ASIC2: variants seen among roughly 807,000 people sequenced by gnomAD.
The protein encoded by ASIC2 is acid-sensing ion channel 2.
In ASIC2, 25 loss-of-function variants were observed where a neutral mutation model predicts 57.3. That is an observed-to-expected ratio of 0.44 (90% confidence interval 0.32 to 0.61). The LOEUF (loss-of-function observed/expected upper bound fraction) is 0.61, where lower values mean the gene tolerates loss of function less well. Ranked by LOEUF, ASIC2 falls within the 20% of genes least tolerant of loss-of-function variation. The probability of loss-of-function intolerance (pLI) is 0.06; values close to 1 mark genes in which losing one functional copy is unlikely to be tolerated. For synonymous variants in ASIC2, 319 were observed against 307.5 expected (o/e 1.04, Z -0.39); for missense variants, 641 against 738.1 (o/e 0.87, Z 1.52).
At chr17:33,866,813 G>C (rs1243365306) in intron 1 of ASIC2, among the ~76,000 whole-genome samples, 1 of 152,136 alleles carries the variant, frequency 6.6e-6, no homozygotes, top group East Asian at 1.9e-4. Flanking sequence ...ATCTCCTCCA[G>C]GGCCTAAGAA....
chr17:33,749,308 C>A (rs1333838009), intron 1 of ASIC2, among the ~76,000 whole-genome samples: 1 of 151,904 alleles, frequency 6.6e-6, no homozygotes, highest in Non-Finnish European at 1.5e-5. Context: ...CCCAAGACCC[C>A]ATCTTTGCTT....
chr17:33,944,678 C>T (rs1405453286), intron 1 of ASIC2, among the ~76,000 whole-genome samples: 1 of 152,184 alleles, frequency 6.6e-6, no homozygotes, highest in Admixed American at 6.5e-5. Context: ...CCTGCCTGCT[C>T]CTCAGGGTTG....
At chr17:33,713,116 T>C (rs1268883207) in intron 1 of ASIC2, among the ~76,000 whole-genome samples, 1 of 152,202 alleles carries the variant, frequency 6.6e-6, no homozygotes, top group Non-Finnish European at 1.5e-5. Flanking sequence ...ACTGTCATGC[T>C]TGCGCTATTT....
intron 1 of ASIC2, among the ~76,000 whole-genome samples, chr17:33,658,501 A>C (rs539313048): frequency 5.9e-5 from 9 of 152,290 alleles, no homozygotes; most frequent in African/African-American, 2.2e-4. Flanking sequence ...GTAGTTTGTA[A>C]ACAACAGAAA....
intron 1 of ASIC2, among the ~76,000 whole-genome samples, chr17:33,300,896 T>C (rs1045598811): frequency 3.9e-5 from 6 of 152,182 alleles, no homozygotes; most frequent in African/African-American, 1.2e-4. Context: ...CACTGAGAAG[T>C]TGACATAATG....
rs571603072 is a variant in ASIC2, at chr17:33,685,191, C to T, written c.555+470787G>A. On this transcript the variant is annotated intron_variant, in intron 1 of 9. Transcript: ENST00000359872. ...AGATTTCCCCCCTCCCCAACCCTCT[C>T]TAAGGCAGCAGGTGCGTTTGTTGCT... is the stretch of plus-strand genomic sequence containing the variant. Among the ~76,000 whole-genome samples, 3 of 152,330 alleles carry T rather than the reference C, an allele frequency of 2.0e-5. No individual in the cohort carries two copies. In the South Asian group the frequency reaches 6.2e-4, roughly 32 times the overall value.
chr17:34,005,679 CTACT>C (rs1906501854), intron 1 of ASIC2: 1 of 152,240 alleles, frequency 6.6e-6, no homozygotes, highest in African/African-American at 2.4e-5. Context: ...AAATAAATCT[CTACT>C]TAGTCTTCAA....
chr17:33,698,793 A>T (rs971531877), intron 1 of ASIC2, among the ~76,000 whole-genome samples: 4 of 152,108 alleles, frequency 2.6e-5, no homozygotes, highest in African/African-American at 9.7e-5. Context: ...AATGGGGTCT[A>T]TGGCTTGGGA....
intron 1 of ASIC2, among the ~76,000 whole-genome samples, chr17:33,406,895 T>G (rs558752613): frequency 2.0e-4 from 30 of 152,304 alleles, no homozygotes; most frequent in Admixed American, 1.1e-3. Flanking sequence ...AAAGTTATAA[T>G]AGACTAATGT....
chr17:34,149,707 G>A (rs1239659631), intron 1 of ASIC2, among the ~76,000 whole-genome samples: 1 of 152,190 alleles, frequency 6.6e-6, no homozygotes, highest in Non-Finnish European at 1.5e-5. Flanking sequence ...ACACTTGTTA[G>A]AATAGTTGTT....
Position 33,387,335 on chromosome 17 carries a change from C to T in ASIC2, c.556-275268G>A, listed in dbSNP as rs548745824. 1.2e-3 allele frequency among the ~76,000 whole-genome samples: 188 copies of T among 152,326 alleles called. 1 individual carries two copies. The highest frequency in any genetic ancestry group is 4.3e-3 in the African/African-American group (177 of 41,566). On this transcript the variant is annotated intron_variant, in intron 1 of 9. Transcript: ENST00000359872. ...AGACCCAGCTGTGACCCAGTCCTTG[C>T]GGAACAAGCCAAGTGCTAACAGGAG...
chr17:33,353,669 A>G (rs1297182641), intron 1 of ASIC2, among the ~76,000 whole-genome samples: 1 of 152,154 alleles, frequency 6.6e-6, no homozygotes, highest in Non-Finnish European at 1.5e-5. Context: ...GCCCAGCCAA[A>G]TGTCACTTTT....
intron 1 of ASIC2, chr17:34,038,753 G>A: frequency 4.3e-6 from 7 of 1,610,468 alleles, no homozygotes; most frequent in South Asian, 3.3e-5. Flanking sequence ...TAACGTTAAC[G>A]TTTCATTTTC....
chr17:33,428,224 T>C (rs1020325946), intron 1 of ASIC2, among the ~76,000 whole-genome samples: 1 of 152,180 alleles, frequency 6.6e-6, no homozygotes, highest in African/African-American at 2.4e-5. Context: ...TAGTATTAGA[T>C]AACCAATGCT....
chr17:33,710,278 G>A (rs1908987257), intron 1 of ASIC2, among the ~76,000 whole-genome samples: 1 of 152,172 alleles, frequency 6.6e-6, no homozygotes, highest in Non-Finnish European at 1.5e-5. Flanking sequence ...CATCCATCTA[G>A]TCACTCTTTT....
chr17:33,919,001 C>T (rs1378900958), intron 1 of ASIC2, among the ~76,000 whole-genome samples: 1 of 152,152 alleles, frequency 6.6e-6, no homozygotes, highest in Non-Finnish European at 1.5e-5. Context: ...TTGTGATGAC[C>T]TGGGGTGAAG....
chr17:33,735,555 T>G (rs548549740), intron 1 of ASIC2, among the ~76,000 whole-genome samples: 1 of 152,014 alleles, frequency 6.6e-6, no homozygotes, highest in Non-Finnish European at 1.5e-5. Context: ...ATAGTGTGGG[T>G]GGAGGGTTGG....
intron 1 of ASIC2, among the ~76,000 whole-genome samples, chr17:34,146,236 A>G (rs994353305): frequency 4.6e-5 from 7 of 152,172 alleles, no homozygotes; most frequent in African/African-American, 1.7e-4. Flanking sequence ...TGAGTTGAAA[A>G]CACAGATTTT....
intron 1 of ASIC2, among the ~76,000 whole-genome samples, chr17:33,381,967 T>C (rs369018468): frequency 1.3e-5 from 2 of 152,140 alleles, no homozygotes; most frequent in South Asian, 4.1e-4. Flanking sequence ...TGCGTAGTAA[T>C]ATATATTTAA....
Sources: gnomAD v4.1 joint callset for allele counts (sites outside exome capture counted in the v4.1 genomes callset) on GRCh38, gnomAD v4.1.1 for gene constraint, MANE v1.5 for transcripts, NCBI Gene and HGNC (gene_info 2026-07-23, HGNC 2026-07-21) for gene names.